TBC1D5: variants seen among roughly 807,000 people sequenced by gnomAD.
The protein encoded by TBC1D5 is TBC1 domain family member 5.
In TBC1D5, 75 loss-of-function variants were observed where a neutral mutation model predicts 100.3. The ratio of observed to expected loss-of-function variants is 0.75; its 90% CI spans 0.62 to 0.91. The LOEUF is 0.91. Ranked by LOEUF, TBC1D5 falls within the 40% of genes least tolerant of loss-of-function variation. The pLI, the probability that TBC1D5 is intolerant of heterozygous loss-of-function variation, is 0.00. For synonymous variants in TBC1D5, 323 were observed against 325.6 expected, an observed-to-expected ratio of 0.99 and a Z score of 0.09; for missense variants, 910 against 942.4, an observed-to-expected ratio of 0.97 and a Z score of 0.45.
chr3:17,693,374 C>CA (rs2071466515), intron 1 of TBC1D5, among the ~76,000 whole-genome samples: 2 of 152,204 alleles, frequency 1.3e-5, no homozygotes. Context: ...GTAACACTCC[C>CA]ACCCAAAAAC....
chr3:17,670,052 T>A (rs1031835622), intron 1 of TBC1D5, among the ~76,000 whole-genome samples: 2 of 151,816 alleles, frequency 1.3e-5, no homozygotes, highest in African/African-American at 4.8e-5. Context: ...TGCCCAGCTA[T>A]TTTTTTTGTA....
At chr3:17,193,297 C>A (rs1053064404) in intron 18 of TBC1D5, among the ~76,000 whole-genome samples, 1 of 152,174 alleles carries the variant, frequency 6.6e-6, no homozygotes, top group African/African-American at 2.4e-5. Context: ...TAGGGAGAAA[C>A]CTTTATTTTT....
intron 18 of TBC1D5, among the ~76,000 whole-genome samples, chr3:17,185,869 T>C (rs2068982267): frequency 6.6e-6 from 1 of 152,074 alleles, no homozygotes; most frequent in Non-Finnish European, 1.5e-5. Context: ...ATTTGTTTGT[T>C]TCTAGGAAAA....
At chr3:17,601,248 T>G (rs776922588) in intron 2 of TBC1D5, among the ~76,000 whole-genome samples, 1 of 152,224 alleles carries the variant, frequency 6.6e-6, no homozygotes, top group African/African-American at 2.4e-5. Context: ...CAGTGGCTCA[T>G]GCCTGTAATC....
At chr3:17,657,367 C>CA (rs2066186617) in intron 1 of TBC1D5, among the ~76,000 whole-genome samples, 1 of 141,808 alleles carries the variant, frequency 7.1e-6, no homozygotes, top group East Asian at 2.1e-4. Context: ...GACAGAGTCT[C>CA]ACTCTGTCGC....
At chr3:17,688,589 G>T (rs576818142) in intron 1 of TBC1D5, among the ~76,000 whole-genome samples, 1 of 152,252 alleles carries the variant, frequency 6.6e-6, no homozygotes, top group East Asian at 1.9e-4. Flanking sequence ...ACCAACCGGG[G>T]CAAAACATAG....
In TBC1D5 at chr3:17,525,155, G is replaced by A. The variant is rs372614844; in HGVS notation, c.-35-16550C>T. Among the ~76,000 whole-genome samples the A allele has an allele frequency of 1.8e-3, 280 of 152,088 alleles. 1 individual carries two copies. The highest frequency in any genetic ancestry group is 3.0e-3 in the Non-Finnish European group (202 of 67,992). On this transcript the variant is annotated intron_variant, in intron 2 of 21. Coordinates refer to ENST00000253692, the Ensembl canonical transcript of TBC1D5. ...ATGAGGATTTTTTTTTTGAGACAGAGTTTCACTCTTGTTGCCCAGGCTGGA... is the reference window on the plus strand; with the variant it reads ...ATGAGGATTTTTTTTTTGAGACAGAATTTCACTCTTGTTGCCCAGGCTGGA...
rs1348712724 is a variant in TBC1D5, at chr3:17,700,268, C to G, written c.-101+39075G>C. 2.6e-5 allele frequency among the ~76,000 whole-genome samples: 4 copies of G among 152,142 alleles called. No individual in the cohort carries two copies. The South Asian group carries it at 6.2e-4, about 24-fold the overall frequency. ...TAATAAATGGTGCTGGGAAAACTGG[C>G]TAGCCATATGGAGAAAGCTGAAACT... On this transcript the variant is annotated intron_variant, in intron 1 of 21. Coordinates refer to ENST00000253692, the Ensembl canonical transcript of TBC1D5.
chr3:17,228,929 G>C (rs1261782402), intron 17 of TBC1D5, among the ~76,000 whole-genome samples: 2 of 152,120 alleles, frequency 1.3e-5, no homozygotes, highest in Admixed American at 6.6e-5. Flanking sequence ...GAGAAGGAAA[G>C]AGGAAGGAAA....
chr3:17,330,648 T>G (rs1413072131), intron 13 of TBC1D5, among the ~76,000 whole-genome samples: 1 of 152,156 alleles, frequency 6.6e-6, no homozygotes, highest in Non-Finnish European at 1.5e-5. Flanking sequence ...GTCTTGAAAG[T>G]TGGAGATGAG....
At chr3:17,260,378 T>C (rs955593412) in intron 15 of TBC1D5, among the ~76,000 whole-genome samples, 1 of 152,166 alleles carries the variant, frequency 6.6e-6, no homozygotes, top group Admixed American at 6.5e-5. Context: ...TGACAAGCAA[T>C]TCAAGACACA....
intron 18 of TBC1D5, among the ~76,000 whole-genome samples, chr3:17,203,048 G>A (rs2071675108): frequency 6.6e-6 from 1 of 151,546 alleles, no homozygotes; most frequent in Admixed American, 6.5e-5. Context: ...CTGTGTGCCT[G>A]GAAATGCCAC....
intron 13 of TBC1D5, among the ~76,000 whole-genome samples, chr3:17,363,820 T>G (rs779931143): frequency 2.1e-4 from 32 of 152,134 alleles, no homozygotes; most frequent in Non-Finnish European, 2.1e-4. Context: ...AATGGATTAG[T>G]GATTTCTTAC....
chr3:17,688,549 A>C (rs2070658992), intron 1 of TBC1D5, among the ~76,000 whole-genome samples: 1 of 152,242 alleles, frequency 6.6e-6, no homozygotes, highest in Non-Finnish European at 1.5e-5. Flanking sequence ...AAACAATGGC[A>C]TGGAGCATCT....
chr3:17,292,411 C>T lies in TBC1D5; in HGVS notation c.1139-410G>A, dbSNP rs568162107. 1.4e-4 allele frequency among the ~76,000 whole-genome samples: 16 copies of T among 116,376 alleles called. No homozygotes were observed. The East Asian group carries it at 2.7e-3, about 20-fold the overall frequency. The allele number at this position is 116,376 out of a possible 152,430, so 76.3% of individuals were successfully genotyped here. On this transcript the variant is annotated intron_variant, in intron 14 of 21. Transcript: ENST00000253692. Reference sequence around the variant, plus strand: ...TAAGATTTTCATGAAATAATATTTACCTTATTATGCATTACAACTTGTTAC... The same window carrying T: ...TAAGATTTTCATGAAATAATATTTATCTTATTATGCATTACAACTTGTTAC...
chr3:17,429,910 C>T (rs551533454), intron 3 of TBC1D5, among the ~76,000 whole-genome samples: 1 of 151,582 alleles, frequency 6.6e-6, no homozygotes, highest in South Asian at 2.1e-4. Context: ...AATATTGTTC[C>T]AGTTTATTTT....
rs1177875838 is a variant in TBC1D5 at position 17,502,995 on chromosome 3, G to A, written c.97+5479C>T. Among the ~76,000 whole-genome samples the A allele has an allele frequency of 6.0e-5, 9 of 149,426 alleles. 1 individual carries two copies. The highest frequency in any genetic ancestry group is 1.9e-4 in the East Asian group (1 of 5,166). ...CACCTAGAATATTTCGATGGCTTCC[G>A]AAATGATTGTTCAGCTTCTAGTTTT... On this transcript the variant is annotated intron_variant, in intron 3 of 21. Coordinates refer to ENST00000253692, the Ensembl canonical transcript of TBC1D5.
intron 14 of TBC1D5, among the ~76,000 whole-genome samples, chr3:17,296,625 C>T (rs1254175224): frequency 2.6e-5 from 4 of 152,146 alleles, no homozygotes; most frequent in East Asian, 1.9e-4. Flanking sequence ...AGTCATATCC[C>T]CCACAAAAAG....
chr3:17,639,060 G>C (rs9833234), intron 1 of TBC1D5, among the ~76,000 whole-genome samples: 3 of 152,054 alleles, frequency 2.0e-5, no homozygotes, highest in Non-Finnish European at 2.9e-5. Flanking sequence ...AAAGACTTGA[G>C]CACAAATATT....
Sources: allele counts gnomAD v4.1 joint callset (sites outside exome capture counted in the v4.1 genomes callset), GRCh38; gene constraint gnomAD v4.1.1; transcripts MANE v1.5; gene names NCBI Gene and HGNC (gene_info 2026-07-23, HGNC 2026-07-21).